THEM4: variants seen among roughly 807,000 people sequenced by gnomAD.
The protein encoded by THEM4 is thioesterase superfamily member 4, also known as acyl-coenzyme A thioesterase THEM4.
Under a neutral mutation model 25.0 loss-of-function variants are expected in THEM4, and 22 were observed. The observed-to-expected ratio is 0.88, with a 90% CI of 0.63 to 1.26. The LOEUF is 1.26. Ranked by LOEUF, THEM4 falls within the 50% of genes most tolerant of loss-of-function variation. THEM4 has a pLI of 0.00. For missense variants in THEM4, 286 were observed against 300.3 expected (o/e 0.95, Z 0.35); for synonymous variants, 113 against 105.6 (o/e 1.07, Z -0.43).
intron 1 of THEM4, 44 bp downstream of exon 1, chr1:151,909,316 C>A (rs1335384973): frequency 2.7e-6 from 4 of 1,469,712 alleles, no homozygotes; most frequent in Non-Finnish European, 3.6e-6. Context: ...AGGCGTGTTT[C>A]TGAGTCCTGC....
chr1:151,882,192 A>G (rs1299013880), intron 4 of THEM4, among the ~76,000 whole-genome samples: 2 of 152,180 alleles, frequency 1.3e-5, no homozygotes, highest in South Asian at 4.2e-4. Flanking sequence ...CATGACCAAC[A>G]TGGCAAAAAC....
At position 151,871,119 on chromosome 1, in the gene THEM4, G is replaced by GT. The variant is rs1653541890; in HGVS notation, c.*3768dup. 6.6e-6 allele frequency among the ~76,000 whole-genome samples: 1 copy of GT among 152,144 alleles called. No individual in the cohort carries two copies. The highest frequency in any genetic ancestry group is 2.4e-5 in the African/African-American group (1 of 41,432). ...GTGGGCAGATCACTTGAGCCCAGGA[G>GT]TTTGAGACCAGACTGGGCAACATGG... On this transcript the variant is annotated 3_prime_UTR_variant, in exon 6 of 6. Coordinates refer to ENST00000368814, the MANE Select transcript of THEM4 (RefSeq NM_053055.5).
chr1:151,872,350 G>A lies in THEM4; in HGVS notation c.*2538C>T, dbSNP rs1363038522. 6.6e-6 allele frequency among the ~76,000 whole-genome samples: 1 copy of A among 152,148 alleles called. No individual in the cohort carries two copies. Among genetic ancestry groups the A allele is most frequent in the African/African-American group, 2.4e-5 (1 of 41,420 alleles). Reference sequence around the variant, plus strand: ...CCCTAAGTTATTAGGTTGAACCATAGGAAATTGTCAATATTTGACCATTCT... The same window carrying A: ...CCCTAAGTTATTAGGTTGAACCATAAGAAATTGTCAATATTTGACCATTCT... On this transcript the variant is annotated 3_prime_UTR_variant, in exon 6 of 6. Coordinates refer to ENST00000368814, the MANE Select transcript of THEM4 (RefSeq NM_053055.5).
At chr1:151,905,926 A>G (rs1221068355) in intron 1 of THEM4, among the ~76,000 whole-genome samples, 6 of 152,236 alleles carry the variant, frequency 3.9e-5, no homozygotes, top group Non-Finnish European at 1.5e-5. Flanking sequence ...GATAACAGCC[A>G]CCTGGGCTGC....
At chr1:151,902,100 A>G (rs957254977) in intron 1 of THEM4, among the ~76,000 whole-genome samples, 3 of 152,238 alleles carry the variant, frequency 2.0e-5, no homozygotes, top group African/African-American at 7.2e-5. Context: ...TCCTGCAAGA[A>G]TTGCCATAAT....
Position 151,888,178 on chromosome 1 carries a change from T to C in THEM4, c.557+95A>G, listed in dbSNP as rs1654011297. The stretch of plus-strand genomic sequence containing the variant: ...GTCTCCTCTGGGAGCACTTCCTTAA[T>C]AATCACTTGAACACAAATTATGGTG... On this transcript the variant is annotated intron_variant, in intron 4 of 5. Transcript: ENST00000368814. 4.3e-6 allele frequency: 4 copies of C among 932,420 alleles called. No homozygotes were observed. In the South Asian group the frequency reaches 6.5e-5, roughly 15 times the overall value. The allele number at this position is 932,420 out of a possible 1,614,324, so 57.8% of individuals were successfully genotyped here.
intron 1 of THEM4, among the ~76,000 whole-genome samples, chr1:151,906,332 C>T (rs997314059): frequency 3.9e-5 from 6 of 152,266 alleles, no homozygotes; most frequent in Non-Finnish European, 8.8e-5. Flanking sequence ...GGCCCACTGG[C>T]GCTGCGCTCG....
In THEM4 at chr1:151,889,228, C is replaced by A. The variant is rs749011789; in HGVS notation, c.432G>T (p.Leu144=). 1 of 1,612,358 alleles carries A rather than the reference C, an allele frequency of 6.2e-7. No individual in the cohort carries two copies. The highest frequency in any genetic ancestry group is 1.1e-5 in the South Asian group (1 of 90,972). The change falls in exon 3 of 6, where the codon CTG becomes CTT. Residue 144 remains leucine (L), a synonymous_variant. Transcript: ENST00000368814. ...MVCLFQGGPY[L]EGPPGFIHGG... Reference sequence around the variant, plus strand: ...ATCATTCTTACCCAGGTGGTCCTTCCAGGTAAGGGCCTCCTTGAAATAAGC... The same window carrying A: ...ATCATTCTTACCCAGGTGGTCCTTCAAGGTAAGGGCCTCCTTGAAATAAGC...
chr1:151,876,909 C>A (rs1400639515), intron 5 of THEM4, 92 bp downstream of exon 5: 2 of 1,488,134 alleles, frequency 1.3e-6, no homozygotes, highest in Admixed American at 4.6e-5. Context: ...CCCTGACCCC[C>A]ACAAAACCCA....
chr1:151,888,260 ACTG>A lies in THEM4; in HGVS notation c.557+10_557+12del. ...AACACCTAAGGATAAATAGAGAATT[ACTG>A]TGAATTTACCTTTTATAATTGATGT... On this transcript the variant is annotated intron_variant, in intron 4 of 5. Coordinates refer to ENST00000368814, the MANE Select transcript of THEM4 (RefSeq NM_053055.5). 1 of 1,597,608 alleles carries A rather than the reference ACTG, an allele frequency of 6.3e-7. No homozygotes were observed. Among genetic ancestry groups the A allele is most frequent in the Non-Finnish European group, 8.6e-7 (1 of 1,167,666 alleles).
At chr1:151,887,183 C>T (rs1387611757) in intron 4 of THEM4, among the ~76,000 whole-genome samples, 1 of 152,226 alleles carries the variant, frequency 6.6e-6, no homozygotes, top group Non-Finnish European at 1.5e-5. Context: ...AATCCCAGCA[C>T]TTTGGCAGGC....
rs1325588968 is a variant in THEM4, at chr1:151,877,140, G to A, written c.558-15C>T. The A allele has an allele frequency of 3.8e-6, 6 of 1,586,208 alleles. No individual in the cohort carries two copies. The Admixed American group carries it at 7.7e-5, about 20-fold the overall frequency. On this transcript the variant is annotated splice_polypyrimidine_tract_variant and intron_variant, in intron 4 of 5. Transcript: ENST00000368814. ...GAGGGATAGGTCTGCAGAATAAAAT[G>A]AAAAAGGAAAAAAATCAGTTTTTAT... is the stretch of plus-strand genomic sequence containing the variant.
intron 1 of THEM4, among the ~76,000 whole-genome samples, chr1:151,905,060 T>C (rs564133636): frequency 6.6e-6 from 1 of 152,344 alleles, no homozygotes; most frequent in South Asian, 2.1e-4. Context: ...ACAACGATTA[T>C]ATTTTGTTGT....
At chr1:151,884,172 A>G (rs1375300759) in intron 4 of THEM4, among the ~76,000 whole-genome samples, 4 of 152,104 alleles carry the variant, frequency 2.6e-5, no homozygotes, top group Admixed American at 6.5e-5. Flanking sequence ...ACAGTGCCAC[A>G]AGATTATTAA....
chr1:151,895,474 A>G (rs1044085007), intron 1 of THEM4, among the ~76,000 whole-genome samples: 1 of 152,082 alleles, frequency 6.6e-6, no homozygotes, highest in Non-Finnish European at 1.5e-5. Flanking sequence ...CCAGACTTTA[A>G]TCAAGCACAG....
rs1016611483 is a variant in THEM4, at chr1:151,873,301, T to C, written c.*1587A>G. Among the ~76,000 whole-genome samples the C allele has an allele frequency of 6.6e-6, 1 of 152,160 alleles. No homozygotes were observed. The highest frequency in any genetic ancestry group is 2.4e-5 in the African/African-American group (1 of 41,444). On this transcript the variant is annotated 3_prime_UTR_variant, in exon 6 of 6. Transcript: ENST00000368814. ...TCCTGCTGCATTCCCCTTGCCGAGA[T>C]AGTGAAAACAGTAATCAATAAATAC...
At chr1:151,904,322 T>C (rs1447731268) in intron 1 of THEM4, among the ~76,000 whole-genome samples, 1 of 152,142 alleles carries the variant, frequency 6.6e-6, no homozygotes, top group Non-Finnish European at 1.5e-5. Context: ...AAAATGATTT[T>C]AGGTGGCACA....
At chr1:151,883,305 G>A (rs1378711797) in intron 4 of THEM4, among the ~76,000 whole-genome samples, 1 of 151,746 alleles carries the variant, frequency 6.6e-6, no homozygotes, top group Non-Finnish European at 1.5e-5. Context: ...AGTAGAGATG[G>A]GGTTTCACCA....
At position 151,874,659 on chromosome 1, in the gene THEM4, G is replaced by A. The variant is rs1396036216; in HGVS notation, c.*229C>T. On this transcript the variant is annotated 3_prime_UTR_variant, in exon 6 of 6. Transcript: ENST00000368814. ...TAAAGTGCTGGGATTATAGGTGTGAGCCACAGCGCCTGGCCCGAGAGTTGT... is the reference window on the plus strand; with the variant it reads ...TAAAGTGCTGGGATTATAGGTGTGAACCACAGCGCCTGGCCCGAGAGTTGT... The A allele has an allele frequency of 2.9e-5, 17 of 588,014 alleles. No individual in the cohort carries two copies. In the Admixed American group the frequency reaches 4.6e-4, roughly 16 times the overall value. The allele number at this position is 588,014 out of a possible 1,614,324, so 36.4% of individuals were successfully genotyped here. A position where few individuals can be genotyped will look rare whatever the true frequency, so the allele number is the denominator to read the frequency against.
Sources: allele counts gnomAD v4.1 joint callset (sites outside exome capture counted in the v4.1 genomes callset), GRCh38; gene constraint gnomAD v4.1.1; transcripts MANE v1.5; gene names NCBI Gene and HGNC (gene_info 2026-07-23, HGNC 2026-07-21).